CLVS1: variants seen among roughly 807,000 people sequenced by gnomAD.
CLVS1 encodes clavesin 1.
CLVS1 carries 10 observed loss-of-function variants against 33.1 expected under a neutral mutation model. The observed-to-expected ratio is 0.30, with a 90% CI of 0.19 to 0.51. The LOEUF (loss-of-function observed/expected upper bound fraction) is 0.51, where lower values mean the gene tolerates loss of function less well. CLVS1 is among the 20% of genes least tolerant of loss of function. CLVS1 has a pLI of 0.97. For missense variants in CLVS1, 343 were observed against 433.4 expected (o/e 0.79, Z 1.85); for synonymous variants, 163 against 166.1 (o/e 0.98, Z 0.14).
chr8:61,349,832 C>T (rs916840632), intron 2 of CLVS1, among the ~76,000 whole-genome samples: 5 of 152,070 alleles, frequency 3.3e-5, no homozygotes, highest in Non-Finnish European at 5.9e-5. Context: ...TAAAGGATTG[C>T]CTCCTGGCTC....
chr8:61,130,289 TA>T (rs1224848820), intron 1 of CLVS1, among the ~76,000 whole-genome samples: 2 of 139,050 alleles, frequency 1.4e-5, no homozygotes, highest in South Asian at 4.6e-4. Context: ...AAAAATAATT[TA>T]AAAAAAGGAG....
chr8:61,376,888 G>T (rs1381421565), intron 3 of CLVS1, 109 bp downstream of exon 3: 6 of 1,028,068 alleles, frequency 5.8e-6, no homozygotes, highest in South Asian at 2.1e-5. Context: ...AGGAAACTTG[G>T]ATTAAATTCA....
At chr8:61,461,224 C>T (rs1233788607) in intron 5 of CLVS1, among the ~76,000 whole-genome samples, 2 of 152,176 alleles carry the variant, frequency 1.3e-5, no homozygotes, top group Non-Finnish European at 2.9e-5. Context: ...TGTCTTGTCC[C>T]TTCCTAAAAT....
At chr8:61,139,735 G>A (rs1244188589) in intron 2 of CLVS1, among the ~76,000 whole-genome samples, 4 of 152,164 alleles carry the variant, frequency 2.6e-5, no homozygotes, top group Non-Finnish European at 4.4e-5. Context: ...CTTCCGCGTC[G>A]GTTCTGTTTA....
chr8:61,320,836 G>T lies in CLVS1; in HGVS notation c.455+20554G>T, dbSNP rs1445895882. On this transcript the variant is annotated intron_variant, in intron 2 of 5. Transcript: ENST00000325897. ...TAGAATTTGAACTTTTGAATTTGGG[G>T]GTTGGGGAACACAAACCTCAGACCA... 3.3e-5 allele frequency among the ~76,000 whole-genome samples: 5 copies of T among 152,088 alleles called. No individual in the cohort carries two copies. In the East Asian group the frequency reaches 9.6e-4, roughly 29 times the overall value.
In CLVS1 at chr8:61,500,052, C is replaced by T. The variant is rs1563584537; in HGVS notation, c.*510C>T. 1 of 152,956 alleles carries T rather than the reference C, an allele frequency of 6.5e-6. No individual in the cohort carries two copies. Among genetic ancestry groups the T allele is most frequent in the East Asian group, 1.9e-4 (1 of 5,192 alleles). The allele number at this position is 152,956 out of a possible 1,614,324, so 9.5% of individuals were successfully genotyped here. A position where few individuals can be genotyped will look rare whatever the true frequency, so the allele number is the denominator to read the frequency against. On this transcript the variant is annotated 3_prime_UTR_variant, in exon 6 of 6. Transcript: ENST00000325897. Reference sequence around the variant, plus strand: ...TTCTTACTGAATTATTTCCTTTGACCTCATCACCAGCATCGAATTGTTCAG... The same window carrying T: ...TTCTTACTGAATTATTTCCTTTGACTTCATCACCAGCATCGAATTGTTCAG...
chr8:61,069,159 G>T (rs999666767), intron 1 of CLVS1, among the ~76,000 whole-genome samples: 3 of 152,086 alleles, frequency 2.0e-5, no homozygotes, highest in East Asian at 1.9e-4. Context: ...GTAGAGACTG[G>T]CTTTCACCAT....
At chr8:61,198,759 C>T (rs1033127117) in intron 2 of CLVS1, among the ~76,000 whole-genome samples, 8 of 152,192 alleles carry the variant, frequency 5.3e-5, no homozygotes, top group Non-Finnish European at 1.2e-4. Flanking sequence ...CATTATACCA[C>T]TCTGTATGTC....
chr8:61,301,911 T>G (rs1437018144), intron 2 of CLVS1, among the ~76,000 whole-genome samples: 1 of 152,210 alleles, frequency 6.6e-6, no homozygotes, highest in East Asian at 1.9e-4. Context: ...TGAGAAAGAA[T>G]AATGAATCAA....
intron 2 of CLVS1, among the ~76,000 whole-genome samples, chr8:61,185,833 C>G (rs1464580303): frequency 6.6e-6 from 1 of 152,140 alleles, no homozygotes; most frequent in African/African-American, 2.4e-5. Context: ...AAACACCTAG[C>G]TTCCAGAAGG....
chr8:61,458,749 A>G (rs2129607213), intron 5 of CLVS1: 1 of 467,822 alleles, frequency 2.1e-6, no homozygotes, highest in South Asian at 3.9e-5. Flanking sequence ...CATTGTATCA[A>G]AGGAATAGTT....
chr8:61,239,363 G>T (rs1166458929), intron 2 of CLVS1, among the ~76,000 whole-genome samples: 1 of 152,112 alleles, frequency 6.6e-6, no homozygotes, highest in African/African-American at 2.4e-5. Flanking sequence ...TTTTATTGTT[G>T]TTGTGCTTAG....
the CLVS1 span, among the ~76,000 whole-genome samples, chr8:60,994,654 A>G: frequency 9.1e-6 from 1 of 109,420 alleles, no homozygotes. Context: ...AGCTGATGAC[A>G]TTAAAAAAAT....
chr8:60,975,022 G>A, the CLVS1 span, among the ~76,000 whole-genome samples: 14 of 152,054 alleles, frequency 9.2e-5, no homozygotes, highest in Non-Finnish European at 4.4e-5. Flanking sequence ...CTCCCTCGAT[G>A]GTTTTGGTAC....
At chr8:61,071,146 C>T (rs890801606) in intron 1 of CLVS1, among the ~76,000 whole-genome samples, 2 of 152,324 alleles carry the variant, frequency 1.3e-5, no homozygotes, top group Admixed American at 6.5e-5. Context: ...ATGAGGCCAA[C>T]GCGTCTTTAC....
chr8:61,055,263 A>G (rs1438142626), upstream of CLVS1, among the ~76,000 whole-genome samples: 1 of 152,216 alleles, frequency 6.6e-6, no homozygotes, highest in East Asian at 1.9e-4. Context: ...TAAGAGAAAA[A>G]CCGTCTTAAA....
At chr8:61,104,280 T>A (rs1173623103) in intron 1 of CLVS1, among the ~76,000 whole-genome samples, 1 of 152,234 alleles carries the variant, frequency 6.6e-6, no homozygotes, top group African/African-American at 2.4e-5. Context: ...CAGGCTAGAT[T>A]CATCATTTGG....
chr8:60,998,603 C>T, the CLVS1 span, among the ~76,000 whole-genome samples: 3 of 152,164 alleles, frequency 2.0e-5, no homozygotes, highest in African/African-American at 7.2e-5. Context: ...ACTTCCCCCA[C>T]CCCCTGCCTC....
chr8:61,192,811 G>T (rs28792822), intron 2 of CLVS1, among the ~76,000 whole-genome samples: 3 of 152,012 alleles, frequency 2.0e-5, no homozygotes, highest in Non-Finnish European at 2.9e-5. Flanking sequence ...AAATCAAAAC[G>T]ACAATGAGAT....
Sources: allele counts gnomAD v4.1 joint callset (sites outside exome capture counted in the v4.1 genomes callset), GRCh38; gene constraint gnomAD v4.1.1; transcripts MANE v1.5; gene names NCBI Gene and HGNC (gene_info 2026-07-23, HGNC 2026-07-21).